The following MAGI2 variants were observed in gnomAD, a reference collection of about 807,000 sequenced individuals.
MAGI2 encodes the protein membrane associated guanylate kinase, WW and PDZ domain containing 2, also known as membrane-associated guanylate kinase, WW and PDZ domain-containing protein 2.
Under a neutral mutation model 133.3 loss-of-function variants are expected in MAGI2, and 35 were observed. The ratio of observed to expected loss-of-function variants is 0.26; its 90% confidence interval spans 0.20 to 0.35. The LOEUF is 0.35. MAGI2 is among the 10% of genes least tolerant of loss of function. The pLI, the probability that MAGI2 is intolerant of heterozygous loss-of-function variation, is 1.00. For synonymous variants in MAGI2, 729 were observed against 710.6 expected (o/e 1.03, Z -0.41); for missense variants, 1,636 against 1,863.4 (o/e 0.88, Z 2.25).
At chr7:78,354,500 G>A (rs1184538310) in intron 7 of MAGI2, among the ~76,000 whole-genome samples, 1 of 152,156 alleles carries the variant, frequency 6.6e-6, no homozygotes, top group Non-Finnish European at 1.5e-5. Context: ...ATCAGGAGAA[G>A]AATGCTAGTG....
At chr7:78,530,972 C>G (rs908192114) in intron 3 of MAGI2, among the ~76,000 whole-genome samples, 1 of 152,038 alleles carries the variant, frequency 6.6e-6, no homozygotes, top group Non-Finnish European at 1.5e-5. Flanking sequence ...TTCAGAAGAG[C>G]CTTTGGTGCT....
intron 2 of MAGI2, among the ~76,000 whole-genome samples, chr7:78,991,227 G>A (rs1271577365): frequency 1.3e-5 from 2 of 150,934 alleles, no homozygotes; most frequent in Non-Finnish European, 3.0e-5. Context: ...TGGCCATATG[G>A]AACTGTGAGT....
At chr7:79,344,650 C>T (rs1250897694) in intron 1 of MAGI2, among the ~76,000 whole-genome samples, 1 of 152,148 alleles carries the variant, frequency 6.6e-6, no homozygotes, top group African/African-American at 2.4e-5. Flanking sequence ...CGGATTTGTA[C>T]ATGCGACAGT....
chr7:78,934,844 C>T (rs1800402957), intron 2 of MAGI2, among the ~76,000 whole-genome samples: 1 of 152,146 alleles, frequency 6.6e-6, no homozygotes, highest in Non-Finnish European at 1.5e-5. Context: ...TTTGTCTAGA[C>T]ATCCCTAAGT....
At chr7:79,111,793 A>G (rs527237028) in intron 1 of MAGI2, among the ~76,000 whole-genome samples, 24 of 152,106 alleles carry the variant, frequency 1.6e-4, no homozygotes, top group Admixed American at 7.2e-4. Flanking sequence ...CAGCCTCCCA[A>G]GTAGCTGGGA....
At chr7:79,055,269 C>T (rs1299783711) in intron 1 of MAGI2, among the ~76,000 whole-genome samples, 3 of 142,074 alleles carry the variant, frequency 2.1e-5, no homozygotes, top group African/African-American at 8.4e-5. Context: ...AAAACATAAA[C>T]TTTGTAAGGG....
chr7:79,276,833 C>A (rs2129557628), intron 1 of MAGI2, among the ~76,000 whole-genome samples: 1 of 152,142 alleles, frequency 6.6e-6, no homozygotes, highest in South Asian at 2.1e-4. Flanking sequence ...AGTGTGGTGG[C>A]ACACCCCTGT....
chr7:79,059,752 G>C (rs761925995), intron 1 of MAGI2, among the ~76,000 whole-genome samples: 1 of 152,014 alleles, frequency 6.6e-6, no homozygotes, highest in Non-Finnish European at 1.5e-5. Context: ...AAAATGTAAA[G>C]GGAAATATAT....
chr7:79,228,855 C>T (rs981574537), intron 1 of MAGI2, among the ~76,000 whole-genome samples: 4 of 152,020 alleles, frequency 2.6e-5, no homozygotes, highest in African/African-American at 9.7e-5. Flanking sequence ...TTAGAGGATG[C>T]TAATAGGTAC....
intron 6 of MAGI2, among the ~76,000 whole-genome samples, chr7:78,471,401 A>G (rs1791191534): frequency 6.6e-6 from 1 of 152,102 alleles, no homozygotes; most frequent in Non-Finnish European, 1.5e-5. Context: ...ATTAAAGGAG[A>G]CAATATATGT....
At chr7:78,814,110 A>G (rs1218573400) in intron 2 of MAGI2, among the ~76,000 whole-genome samples, 4 of 152,204 alleles carry the variant, frequency 2.6e-5, no homozygotes, top group African/African-American at 9.7e-5. Flanking sequence ...ATAAAAATCA[A>G]TAAAAAAGCC....
At chr7:79,257,177 A>AATC (rs1435296656) in intron 1 of MAGI2, among the ~76,000 whole-genome samples, 9 of 152,256 alleles carry the variant, frequency 5.9e-5, no homozygotes, top group African/African-American at 2.2e-4. Flanking sequence ...TAATAATAAT[A>AATC]ATAGTCCCTT....
At chr7:79,278,823 G>T (rs549030236) in intron 1 of MAGI2, among the ~76,000 whole-genome samples, 1 of 152,068 alleles carries the variant, frequency 6.6e-6, no homozygotes, top group Non-Finnish European at 1.5e-5. Flanking sequence ...GGCCTTGGGG[G>T]AATAATATCT....
chr7:78,319,323 A>T (rs901697694), intron 9 of MAGI2, among the ~76,000 whole-genome samples: 6 of 151,732 alleles, frequency 4.0e-5, no homozygotes, highest in Non-Finnish European at 7.4e-5. Context: ...ACAAACAAAA[A>T]AACAGGGGTT....
chr7:78,754,910 T>C (rs550434773), intron 2 of MAGI2, among the ~76,000 whole-genome samples: 9 of 152,354 alleles, frequency 5.9e-5, no homozygotes, highest in Admixed American at 3.3e-4. Context: ...GGAAGTCCTT[T>C]TATATTTTAG....
At chr7:78,523,012 T>C (rs1041987324) in intron 3 of MAGI2, among the ~76,000 whole-genome samples, 13 of 151,906 alleles carry the variant, frequency 8.6e-5, no homozygotes, top group African/African-American at 3.1e-4. Flanking sequence ...TAACAGGAAA[T>C]AGGAGAAAGC....
At chr7:78,147,395 C>T (rs1823409155) in intron 16 of MAGI2, among the ~76,000 whole-genome samples, 1 of 152,158 alleles carries the variant, frequency 6.6e-6, no homozygotes, top group Non-Finnish European at 1.5e-5. Flanking sequence ...ATTTTAACTT[C>T]ATTTGGATTT....
At chr7:79,428,419 C>G (rs1847545325) in intron 1 of MAGI2, among the ~76,000 whole-genome samples, 2 of 152,134 alleles carry the variant, frequency 1.3e-5, no homozygotes, top group African/African-American at 4.8e-5. Context: ...AACTCTGTTA[C>G]AGTCCCATAA....
intron 20 of MAGI2, among the ~76,000 whole-genome samples, chr7:78,105,930 G>C (rs904382242): frequency 1.3e-5 from 2 of 151,744 alleles, no homozygotes; most frequent in African/African-American, 4.8e-5. Context: ...ACCCTGTTGT[G>C]CTATCAAATA....
Sources: allele counts gnomAD v4.1 joint callset (sites outside exome capture counted in the v4.1 genomes callset), GRCh38; gene constraint gnomAD v4.1.1; transcripts MANE v1.5; gene names NCBI Gene and HGNC (gene_info 2026-07-23, HGNC 2026-07-21).